EIF4G3: variants seen among roughly 807,000 people sequenced by gnomAD.
EIF4G3 encodes the protein eIF-4-gamma 3.
Under a neutral mutation model 186.4 loss-of-function variants are expected in EIF4G3, and 34 were observed. The ratio of observed to expected loss-of-function variants is 0.18; its 90% CI spans 0.14 to 0.24. The LOEUF (loss-of-function observed/expected upper bound fraction) is 0.24. Among genes scored for constraint, EIF4G3 ranks in the 10% least tolerant of loss-of-function variants. EIF4G3 has a pLI of 1.00. For missense variants in EIF4G3, 1,536 were observed against 1,948.5 expected, an observed-to-expected ratio of 0.79 and a Z score of 3.99; for synonymous variants, 673 against 679.5, an observed-to-expected ratio of 0.99 and a Z score of 0.15.
At chr1:21,045,112 C>T (rs928653926) in intron 4 of EIF4G3, among the ~76,000 whole-genome samples, 2 of 151,892 alleles carry the variant, frequency 1.3e-5, no homozygotes, top group Non-Finnish European at 2.9e-5. Context: ...AGAGTGAGGT[C>T]CTGTCTCTAA....
At chr1:21,139,814 C>T (rs1047627221) in intron 2 of EIF4G3, among the ~76,000 whole-genome samples, 11 of 152,158 alleles carry the variant, frequency 7.2e-5, no homozygotes, top group Admixed American at 7.2e-4. Context: ...CAAACTCCTG[C>T]TTCAGCCTCC....
intron 4 of EIF4G3, among the ~76,000 whole-genome samples, chr1:21,018,806 AC>A (rs2154570626): frequency 6.6e-6 from 1 of 151,240 alleles, no homozygotes; most frequent in South Asian, 2.1e-4. Flanking sequence ...CTCTGAACAC[AC>A]CTCCCCCTCA....
chr1:20,838,668 T>A (rs1283096803), intron 30 of EIF4G3, among the ~76,000 whole-genome samples: 1 of 152,136 alleles, frequency 6.6e-6, no homozygotes, highest in Non-Finnish European at 1.5e-5. Flanking sequence ...GCAATCTAGC[T>A]TATTGCTGAA....
intron 16 of EIF4G3, among the ~76,000 whole-genome samples, chr1:20,898,844 CCTCA>C (rs1326926807): frequency 6.6e-6 from 1 of 152,214 alleles, no homozygotes; most frequent in African/African-American, 2.4e-5. Context: ...GATTCTCCTG[CCTCA>C]GCTTCCCAAG....
chr1:21,157,767 A>G (rs918714713), intron 2 of EIF4G3, among the ~76,000 whole-genome samples: 1 of 152,182 alleles, frequency 6.6e-6, no homozygotes, highest in Non-Finnish European at 1.5e-5. Flanking sequence ...TGGTTAGCTT[A>G]ATCTGTAATA....
intron 33 of EIF4G3, among the ~76,000 whole-genome samples, chr1:20,818,099 A>C (rs1167175036): frequency 6.6e-6 from 1 of 152,208 alleles, no homozygotes; most frequent in Admixed American, 6.5e-5. Flanking sequence ...GGCTATGGTT[A>C]CACGCAAATA....
intron 20 of EIF4G3, among the ~76,000 whole-genome samples, chr1:20,875,653 C>T (rs761248327): frequency 1.3e-5 from 2 of 152,178 alleles, no homozygotes; most frequent in Non-Finnish European, 2.9e-5. Flanking sequence ...ATGGCTAACG[C>T]CTATAATCCC....
chr1:20,869,169 T>C (rs12067667), intron 20 of EIF4G3, among the ~76,000 whole-genome samples: 3,967 of 152,292 alleles, frequency 0.026, 168 homozygotes, highest in African/African-American at 0.089. Context: ...TGGCAACCCA[T>C]GGCCCAGCAG....
intron 4 of EIF4G3, among the ~76,000 whole-genome samples, chr1:21,044,742 G>A (rs1253809923): frequency 1.3e-5 from 2 of 150,358 alleles, no homozygotes; most frequent in Admixed American, 6.6e-5. Flanking sequence ...TAACATCCCA[G>A]TCTCAAGCGA....
chr1:20,853,502 G>T, intron 27 of EIF4G3, 58 bp downstream of exon 27: 2 of 1,111,864 alleles, frequency 1.8e-6, no homozygotes, highest in South Asian at 1.3e-5. Context: ...TTCTTATCTT[G>T]CCACACATAC....
In EIF4G3 at chr1:20,810,511, C is replaced by T. The variant is rs548548713; in HGVS notation, c.4744+227G>A. The stretch of plus-strand genomic sequence containing the variant: ...CCATGTTGGCCAGGCTGGTCTTGAA[C>T]TCTTGACCTCAAGTGATCTGCCTGC... On this transcript the variant is annotated intron_variant, in intron 36 of 36. Transcript: ENST00000602326. This position sits in a 1 kb window ranked among gnomAD's most constrained non-coding sequence, Gnocchi z 4.1. Among the ~76,000 whole-genome samples the T allele has an allele frequency of 6.6e-6, 1 of 152,254 alleles. No individual in the cohort carries two copies. Among genetic ancestry groups the T allele is most frequent in the South Asian group, 2.1e-4 (1 of 4,828 alleles).
At chr1:21,075,802 C>A (rs577929691) in intron 3 of EIF4G3, among the ~76,000 whole-genome samples, 3 of 151,812 alleles carry the variant, frequency 2.0e-5, no homozygotes, top group Non-Finnish European at 4.4e-5. Context: ...TACATATGCA[C>A]GTAACAAAAG....
intron 25 of EIF4G3, 96 bp downstream of exon 25, chr1:20,857,307 G>A (rs1225689936): frequency 8.8e-6 from 9 of 1,022,664 alleles, no homozygotes; most frequent in African/African-American, 7.9e-5. Flanking sequence ...TTTGAGACAC[G>A]TTTTGCAACT....
At chr1:20,854,668 A>G (rs577840387) in intron 26 of EIF4G3, among the ~76,000 whole-genome samples, 1 of 151,760 alleles carries the variant, frequency 6.6e-6, no homozygotes, top group South Asian at 2.1e-4. Flanking sequence ...TCATGCCACT[A>G]CACTCCAGCC....
chr1:20,884,214 C>G (rs935146615), intron 19 of EIF4G3, among the ~76,000 whole-genome samples: 3 of 152,066 alleles, frequency 2.0e-5, no homozygotes, highest in African/African-American at 7.2e-5. Flanking sequence ...CTAAAGAAAA[C>G]CTATTAATTA....
intron 6 of EIF4G3, among the ~76,000 whole-genome samples, 153 bp downstream of exon 6, chr1:21,001,046 A>G (rs1324466090): frequency 6.6e-6 from 1 of 152,210 alleles, no homozygotes; most frequent in Admixed American, 6.5e-5. Flanking sequence ...TTTCCCCACT[A>G]TGCCTGGCAG....
At chr1:20,916,312 T>G (rs2093860639) in intron 14 of EIF4G3, among the ~76,000 whole-genome samples, 1 of 151,940 alleles carries the variant, frequency 6.6e-6, no homozygotes, top group Admixed American at 6.6e-5. Flanking sequence ...CCGGGCGTGG[T>G]GGTGGACACC....
At chr1:20,959,598 A>G (rs1171645001) in intron 12 of EIF4G3, among the ~76,000 whole-genome samples, 1 of 151,168 alleles carries the variant, frequency 6.6e-6, no homozygotes, top group Non-Finnish European at 1.5e-5. Flanking sequence ...GACAACCCAT[A>G]GAGATGCAAA....
At chr1:20,943,279 T>C (rs2154562531) in intron 13 of EIF4G3, among the ~76,000 whole-genome samples, 1 of 152,290 alleles carries the variant, frequency 6.6e-6, no homozygotes, top group South Asian at 2.1e-4. Context: ...ATACATATAG[T>C]ATGAAAATAC....
Sources: gnomAD v4.1 joint callset for allele counts (sites outside exome capture counted in the v4.1 genomes callset) on GRCh38, gnomAD v4.1.1 for gene constraint, Gnocchi (gnomAD v3.1) non-coding constraint, MANE v1.5 for transcripts, NCBI Gene and HGNC (gene_info 2026-07-23, HGNC 2026-07-21) for gene names.